CYSLTR2: variants seen among roughly 807,000 people sequenced by gnomAD.
The protein encoded by CYSLTR2 is G-protein coupled receptor GPCR21.
For synonymous variants in CYSLTR2, 179 were observed against 160.8 expected (o/e 1.11, Z -0.86); for missense variants, 398 against 411.9 (o/e 0.97, Z 0.29).
At position 48,706,901 on chromosome 13, in the gene CYSLTR2, C is replaced by G. The variant is rs1376869771; in HGVS notation, c.84C>G (p.Ser28Arg). The part of the protein sequence containing the change: ...EPNGTFSNNN[S>R]RNCTIENFKR... The stretch of plus-strand genomic sequence containing the variant: ...ATGGCACCTTCAGCAATAACAACAG[C>G]AGGAACTGCACAATTGAAAACTTCA... Residue 28 changes from serine to arginine, a missense_variant, in exon 5 of 5, where the codon AGC (serine) becomes AGG (arginine). Ser to Arg is a moderately radical substitution (Grantham distance 110). Transcript: ENST00000682523. 6.2e-7 allele frequency: 1 copy of G among 1,614,176 alleles called. No homozygotes were observed.
rs768921951 is a variant in CYSLTR2, at chr13:48,655,321, T to C, written c.-266+1304T>C. Among the ~76,000 whole-genome samples the C allele has an allele frequency of 5.3e-4, 80 of 152,226 alleles. 1 individual carries two copies. Among genetic ancestry groups the C allele is most frequent in the Admixed American group, 3.5e-3 (54 of 15,292 alleles). Reference sequence around the variant, plus strand: ...ATAGCTGGCCAGTTCACTAACACACTGTGGGCACAGCGAAGATCGATGGGA... The same window carrying C: ...ATAGCTGGCCAGTTCACTAACACACCGTGGGCACAGCGAAGATCGATGGGA... On this transcript the variant is annotated intron_variant, in intron 1 of 4. Coordinates refer to ENST00000682523, the MANE Select transcript of CYSLTR2 (RefSeq NM_001308476.3).
rs1333312885 is a variant in CYSLTR2 at position 48,710,938 on chromosome 13, T to C, written c.*3080T>C. The C allele has an allele frequency of 1.3e-5, 2 of 152,046 alleles. No individual in the cohort carries two copies. The highest frequency in any genetic ancestry group is 2.9e-5 in the Non-Finnish European group (2 of 68,018). 9.4% of individuals were successfully genotyped at this position (152,046 alleles called of 1,614,324 possible). A position where few individuals can be genotyped will look rare whatever the true frequency, so the allele number is the denominator to read the frequency against. Reference sequence around the variant, plus strand: ...GAAATGAAGGGAGAAGATGTGTACGTGTGTGGGAGAGGTATAAGAGACCTA... The same window carrying C: ...GAAATGAAGGGAGAAGATGTGTACGCGTGTGGGAGAGGTATAAGAGACCTA... On this transcript the variant is annotated 3_prime_UTR_variant, in exon 5 of 5. Coordinates refer to ENST00000682523, the MANE Select transcript of CYSLTR2 (RefSeq NM_001308476.3).
At chr13:48,693,984 C>G (rs1954101614) in intron 3 of CYSLTR2, among the ~76,000 whole-genome samples, 1 of 152,188 alleles carries the variant, frequency 6.6e-6, no homozygotes, top group Non-Finnish European at 1.5e-5. Flanking sequence ...GATAAACATG[C>G]ACGTTTGTGT....
chr13:48,680,729 T>A (rs1953725497), intron 1 of CYSLTR2, among the ~76,000 whole-genome samples: 1 of 152,126 alleles, frequency 6.6e-6, no homozygotes, highest in Non-Finnish European at 1.5e-5. Flanking sequence ...GCATACTTCA[T>A]TGGTCTGGCT....
intron 1 of CYSLTR2, among the ~76,000 whole-genome samples, chr13:48,675,183 G>A (rs539954021): frequency 1.3e-5 from 2 of 152,168 alleles, no homozygotes; most frequent in Non-Finnish European, 2.9e-5. Flanking sequence ...TGAAAGATCC[G>A]CTGCTCTCTT....
chr13:48,678,689 T>C (rs9742182), intron 1 of CYSLTR2, among the ~76,000 whole-genome samples: 36,797 of 152,054 alleles, frequency 0.24, 4,579 homozygotes, highest in East Asian at 0.34. Flanking sequence ...ACTCCCCATT[T>C]CTTCAGCCCA....
rs565096306 is a variant in CYSLTR2 at position 48,662,493 on chromosome 13, T to C, written c.-266+8476T>C. 5.3e-5 allele frequency among the ~76,000 whole-genome samples: 8 copies of C among 152,334 alleles called. No individual in the cohort carries two copies. In the Middle Eastern group the frequency reaches 0.01, roughly 194 times the overall value. On this transcript the variant is annotated intron_variant, in intron 1 of 4. Coordinates refer to ENST00000682523, the MANE Select transcript of CYSLTR2 (RefSeq NM_001308476.3). ...CCACCAACAACACATGAGTTCCCTT[T>C]ACTCCACATCCTTGCCAACATTTGT... is the stretch of plus-strand genomic sequence containing the variant.
chr13:48,699,233 C>T (rs1566103953), intron 4 of CYSLTR2, among the ~76,000 whole-genome samples: 1 of 152,192 alleles, frequency 6.6e-6, no homozygotes, highest in Non-Finnish European at 1.5e-5. Flanking sequence ...TTCTCAGCAC[C>T]ACATCACACT....
At chr13:48,696,971 C>T (rs1723601025) in intron 4 of CYSLTR2, among the ~76,000 whole-genome samples, 1 of 152,162 alleles carries the variant, frequency 6.6e-6, no homozygotes, top group Non-Finnish European at 1.5e-5. Context: ...GAGGGGCATC[C>T]ACCATTGCTG....
chr13:48,676,518 A>G (rs769567017), intron 1 of CYSLTR2, among the ~76,000 whole-genome samples: 2 of 152,272 alleles, frequency 1.3e-5, no homozygotes, highest in Non-Finnish European at 2.9e-5. Context: ...CATATAGAGT[A>G]GGGACAAAGT....
Position 48,702,371 on chromosome 13 carries a change from C to A in CYSLTR2, c.-1-4446C>A, listed in dbSNP as rs192602746. The stretch of plus-strand genomic sequence containing the variant: ...CATGTATACATATGTAACAAAACTG[C>A]ACGTTGTGCACACGTACCCTAGAAC... On this transcript the variant is annotated intron_variant, in intron 4 of 4. Transcript: ENST00000682523. Among the ~76,000 whole-genome samples the A allele has an allele frequency of 6.0e-3, 910 of 152,226 alleles. 9 individuals are homozygous for A. The highest frequency in any genetic ancestry group is 0.021 in the African/African-American group (878 of 41,526).
intron 1 of CYSLTR2, among the ~76,000 whole-genome samples, chr13:48,667,032 A>G (rs77685475): frequency 0.06 from 9,131 of 152,198 alleles, 320 homozygotes; most frequent in African/African-American, 0.079. Context: ...GTCTCTTTCA[A>G]TTTTATGGAG....
intron 1 of CYSLTR2, among the ~76,000 whole-genome samples, chr13:48,654,359 T>A (rs1952952586): frequency 6.7e-6 from 1 of 148,692 alleles, no homozygotes; most frequent in Admixed American, 6.7e-5. Flanking sequence ...CATAGTTGCG[T>A]CCCTACACTA....
intron 1 of CYSLTR2, among the ~76,000 whole-genome samples, chr13:48,685,967 G>A (rs1035204873): frequency 3.9e-5 from 6 of 152,168 alleles, no homozygotes; most frequent in South Asian, 2.1e-4. Flanking sequence ...CAAGAGGGGC[G>A]TATTAGAGCT....
chr13:48,673,433 C>CTTTT (rs61699943), intron 1 of CYSLTR2, among the ~76,000 whole-genome samples: 38 of 48,314 alleles, frequency 7.9e-4, no homozygotes, highest in African/African-American at 1.5e-3. Flanking sequence ...GTAACCCCGG[C>CTTTT]TTTTTTTTTT....
At chr13:48,696,893 C>CA (rs1349478584) in intron 4 of CYSLTR2, among the ~76,000 whole-genome samples, 1 of 152,150 alleles carries the variant, frequency 6.6e-6, no homozygotes, top group Non-Finnish European at 1.5e-5. Context: ...GTCCCACGCC[C>CA]ACGGAGCCTC....
intron 1 of CYSLTR2, among the ~76,000 whole-genome samples, chr13:48,665,888 TG>T (rs1234120778): frequency 6.6e-6 from 1 of 152,124 alleles, no homozygotes; most frequent in Non-Finnish European, 1.5e-5. Context: ...GTGTATCTTT[TG>T]TTCCTTACTT....
intron 1 of CYSLTR2, among the ~76,000 whole-genome samples, chr13:48,676,831 A>G (rs535537655): frequency 6.6e-6 from 1 of 152,248 alleles, no homozygotes. Flanking sequence ...AACAATGCCA[A>G]TTTAGCCTGT....
chr13:48,673,753 G>T (rs2138863094), intron 1 of CYSLTR2, among the ~76,000 whole-genome samples: 1 of 152,198 alleles, frequency 6.6e-6, no homozygotes, highest in East Asian at 1.9e-4. Flanking sequence ...TTTTGCACTA[G>T]CTGGTACCGG....
Sources: gnomAD v4.1 joint callset for allele counts (sites outside exome capture counted in the v4.1 genomes callset) on GRCh38, gnomAD v4.1.1 for gene constraint, MANE v1.5 for transcripts, NCBI Gene and HGNC (gene_info 2026-07-23, HGNC 2026-07-21) for gene names.